PLEKHA8: variants seen among roughly 807,000 people sequenced by gnomAD.
PLEKHA8 encodes pleckstrin homology domain containing A8, also known as pleckstrin homology domain-containing family A member 8.
PLEKHA8 carries 36 observed loss-of-function variants against 68.2 expected under a neutral mutation model. The observed-to-expected ratio is 0.53, with a 90% confidence interval of 0.40 to 0.70. The LOEUF (loss-of-function observed/expected upper bound fraction) is 0.70. PLEKHA8 is among the 30% of genes least tolerant of loss of function. The pLI is 0.00. For synonymous variants in PLEKHA8, 211 were observed against 216.1 expected (o/e 0.98, Z 0.20); for missense variants, 505 against 615.4 (o/e 0.82, Z 1.90).
chr7:30,079,992 TA>T lies in PLEKHA8; in HGVS notation c.*1207del. The stretch of plus-strand genomic sequence containing the variant: ...GAGCAGGTTCATTCAGCAGCATTCT[TA>T]ATTGAGCCAGCATTGACACCCAGCC... On this transcript the variant is annotated 3_prime_UTR_variant, in exon 14 of 14. Coordinates refer to ENST00000449726, the MANE Select transcript of PLEKHA8 (RefSeq NM_001197026.2). 2 of 985,304 alleles carry T rather than the reference TA, an allele frequency of 2.0e-6. No homozygotes were observed. Among genetic ancestry groups the T allele is most frequent in the Non-Finnish European group, 2.4e-6 (2 of 829,888 alleles). 61.0% of individuals were successfully genotyped at this position (985,304 alleles called of 1,614,324 possible). A position where few individuals can be genotyped will look rare whatever the true frequency, so the allele number is the denominator to read the frequency against.
intron 12 of PLEKHA8, among the ~76,000 whole-genome samples, chr7:30,064,009 A>T (rs866952518): frequency 1.3e-5 from 2 of 152,196 alleles, no homozygotes; most frequent in Non-Finnish European, 2.9e-5. Flanking sequence ...TATATTCAGC[A>T]TGTCTACTCA....
intron 13 of PLEKHA8, among the ~76,000 whole-genome samples, chr7:30,102,174 C>T (rs1341319654): frequency 1.3e-5 from 2 of 152,148 alleles, no homozygotes; most frequent in African/African-American, 4.8e-5. Context: ...CCAATAAGCA[C>T]ATGAAAAGGT....
chr7:30,063,306 G>T (rs1793584253), intron 12 of PLEKHA8, among the ~76,000 whole-genome samples: 1 of 152,224 alleles, frequency 6.6e-6, no homozygotes, highest in Non-Finnish European at 1.5e-5. Flanking sequence ...CTGCAACATT[G>T]TAGGTGCTTA....
intron 13 of PLEKHA8, among the ~76,000 whole-genome samples, chr7:30,110,764 A>C (rs1020236890): frequency 8.5e-5 from 13 of 152,134 alleles, no homozygotes; most frequent in African/African-American, 2.9e-4. Flanking sequence ...ATATCTCATC[A>C]TGGTTTTGAT....
chr7:30,052,656 AAAAAG>A, intron 6 of PLEKHA8, 48 bp from the exon 7 acceptor site: 8 of 1,447,472 alleles, frequency 5.5e-6, no homozygotes, highest in Admixed American at 5.5e-5. Flanking sequence ...AAAAAAAAAA[AAAAAG>A]ACCAAATAAC....
chr7:30,051,430 C>T, intron 6 of PLEKHA8, among the ~76,000 whole-genome samples: 1 of 150,776 alleles, frequency 6.6e-6, no homozygotes. Flanking sequence ...AAATACTTTT[C>T]CTGTAGTTAC....
At position 30,096,778 on chromosome 7, in the gene PLEKHA8, C is replaced by T. The variant is rs569416154; in HGVS notation, c.1362+22646C>T. Among the ~76,000 whole-genome samples, 6 of 152,264 alleles carry T rather than the reference C, an allele frequency of 3.9e-5. No homozygotes were observed. In the East Asian group the frequency reaches 1.2e-3, roughly 29 times the overall value. On this transcript the variant is annotated intron_variant, in intron 13 of 13. Coordinates refer to the PLEKHA8 transcript ENST00000396257. ...CACTGATGGGTCTTGACTCTTTATC[C>T]AATTTACCAGTCTGTGTCTTTTAAT...
chr7:30,103,584 T>C (rs1470549217), intron 13 of PLEKHA8, among the ~76,000 whole-genome samples: 1 of 152,220 alleles, frequency 6.6e-6, no homozygotes, highest in African/African-American at 2.4e-5. Context: ...TAAAGGTCCA[T>C]GGGACGAGAA....
intron 13 of PLEKHA8, among the ~76,000 whole-genome samples, chr7:30,103,834 G>A (rs190239038): frequency 2.2e-4 from 33 of 152,224 alleles, no homozygotes; most frequent in Admixed American, 4.6e-4. Context: ...GAAACATAGA[G>A]CATTATTTTT....
intron 6 of PLEKHA8, among the ~76,000 whole-genome samples, chr7:30,052,253 C>T (rs1009835131): frequency 2.0e-5 from 3 of 152,212 alleles, no homozygotes; most frequent in South Asian, 2.1e-4. Flanking sequence ...GCTCCCATCA[C>T]AGGCCTTGGA....
chr7:30,116,307 CAT>C (rs754474627), intron 13 of PLEKHA8, among the ~76,000 whole-genome samples: 1 of 151,178 alleles, frequency 6.6e-6, no homozygotes, highest in Non-Finnish European at 1.5e-5. Context: ...TACATGTATA[CAT>C]ATATACATAC....
At chr7:30,097,233 G>A (rs567292857) in intron 13 of PLEKHA8, among the ~76,000 whole-genome samples, 53 of 152,240 alleles carry the variant, frequency 3.5e-4, no homozygotes, top group South Asian at 2.1e-3. Context: ...TGGGTATCCC[G>A]ATCTTTCTCT....
At chr7:30,102,049 G>T (rs548828145) in intron 13 of PLEKHA8, among the ~76,000 whole-genome samples, 22 of 152,310 alleles carry the variant, frequency 1.4e-4, no homozygotes, top group Middle Eastern at 3.4e-3. Context: ...TAAGGGACTG[G>T]TATCTAGAAT....
In PLEKHA8 at chr7:30,118,043, G is replaced by A. The variant is rs1279571210; in HGVS notation, c.1363-11223G>A. On this transcript the variant is annotated intron_variant, in intron 13 of 13. Transcript: ENST00000396257. ...CAGGCGGGTGCAGAGTGGCCTGCAG[G>A]ACATGATGACCCAGCATGAGACAGG... 2.0e-6 allele frequency: 3 copies of A among 1,507,152 alleles called. No homozygotes were observed. The African/African-American group carries it at 4.2e-5, about 21-fold the overall frequency. The allele number at this position is 1,507,152 out of a possible 1,614,324, so 93.4% of individuals were successfully genotyped here.
chr7:30,053,099 C>T (rs1357576677), intron 7 of PLEKHA8, among the ~76,000 whole-genome samples: 1 of 152,166 alleles, frequency 6.6e-6, no homozygotes, highest in Admixed American at 6.5e-5. Flanking sequence ...GTGTTCTTGG[C>T]TGTGTTCATG....
intron 13 of PLEKHA8, among the ~76,000 whole-genome samples, chr7:30,106,225 A>T (rs537429033): frequency 2.0e-5 from 3 of 150,790 alleles, no homozygotes; most frequent in East Asian, 3.9e-4. Context: ...CGGCCAGCTA[A>T]TTTTTTTTTG....
chr7:30,053,127 G>T (rs1426795480), intron 7 of PLEKHA8, among the ~76,000 whole-genome samples: 2 of 152,122 alleles, frequency 1.3e-5, no homozygotes, highest in East Asian at 3.9e-4. Context: ...GTGAGCAGAG[G>T]GCCTTCAACC....
chr7:30,050,680 G>A, intron 6 of PLEKHA8: 1 of 539,740 alleles, frequency 1.9e-6, no homozygotes, highest in Non-Finnish European at 2.9e-6. Flanking sequence ...TAGGGAAGAT[G>A]TTGGCATTTT....
At chr7:30,092,740 C>T (rs1795467101), downstream of PLEKHA8, among the ~76,000 whole-genome samples, 2 of 152,206 alleles carry the variant, frequency 1.3e-5, no homozygotes, top group Admixed American at 1.3e-4. Context: ...CTGGCCACAG[C>T]GTGGGCATAT....
Sources: allele counts gnomAD v4.1 joint callset (sites outside exome capture counted in the v4.1 genomes callset), GRCh38; gene constraint gnomAD v4.1.1; transcripts MANE v1.5; gene names NCBI Gene and HGNC (gene_info 2026-07-23, HGNC 2026-07-21).